CAMK1D: variants seen among roughly 807,000 people sequenced by gnomAD.
The protein encoded by CAMK1D is calcium/calmodulin dependent protein kinase ID.
CAMK1D carries 9 observed loss-of-function variants against 47.7 expected under a neutral mutation model. That is an observed-to-expected ratio of 0.19 (90% CI 0.11 to 0.33). The LOEUF (loss-of-function observed/expected upper bound fraction) is 0.33, where lower values mean the gene tolerates loss of function less well. Among genes scored for constraint, CAMK1D ranks in the 10% least tolerant of loss-of-function variants. The pLI is 1.00. For synonymous variants in CAMK1D, 184 were observed against 184.9 expected (o/e 0.99, Z 0.04); for missense variants, 291 against 488.7 (o/e 0.60, Z 3.81).
rs115113062 is a variant in CAMK1D at position 12,547,632 on chromosome 10, C to T, written c.93-5593C>T. Among the ~76,000 whole-genome samples the T allele has an allele frequency of 2.1e-3, 266 of 127,960 alleles. 1 individual carries two copies. Among genetic ancestry groups the T allele is most frequent in the African/African-American group, 8.9e-3 (243 of 27,284 alleles). The allele number at this position is 127,960 out of a possible 152,430, so 83.9% of individuals were successfully genotyped here. Reference sequence around the variant, plus strand: ...TTCCTTGCTTTAGTGTTTCCTGTCACGAGGACACCCCCCCCCCAACCCTGC... The same window carrying T: ...TTCCTTGCTTTAGTGTTTCCTGTCATGAGGACACCCCCCCCCCAACCCTGC... On this transcript the variant is annotated intron_variant, in intron 1 of 10. Coordinates refer to ENST00000619168, the MANE Select transcript of CAMK1D (RefSeq NM_153498.4).
chr10:12,567,654 A>C (rs1257035797), intron 2 of CAMK1D, among the ~76,000 whole-genome samples: 1 of 152,166 alleles, frequency 6.6e-6, no homozygotes, highest in East Asian at 1.9e-4. Flanking sequence ...TAATGCAGCT[A>C]TTTACTTTAA....
At chr10:12,618,500 A>G (rs181405496) in intron 2 of CAMK1D, among the ~76,000 whole-genome samples, 57 of 152,336 alleles carry the variant, frequency 3.7e-4, no homozygotes, top group African/African-American at 1.3e-3. Context: ...AAAGAGTATC[A>G]TGGATGAAAA....
intron 1 of CAMK1D, among the ~76,000 whole-genome samples, chr10:12,497,178 A>G (rs183182207): frequency 2.0e-5 from 3 of 152,250 alleles, no homozygotes. Context: ...TTTCGTTAAC[A>G]GCATTTAAAA....
intron 1 of CAMK1D, among the ~76,000 whole-genome samples, chr10:12,405,171 G>A (rs1299310215): frequency 6.6e-6 from 1 of 152,132 alleles, no homozygotes; most frequent in Non-Finnish European, 1.5e-5. Flanking sequence ...AGTTTCTGTT[G>A]TGTCTTTGGA....
chr10:12,616,557 T>G lies in CAMK1D; in HGVS notation c.225-50179T>G, dbSNP rs371492092. On this transcript the variant is annotated intron_variant, in intron 2 of 10. Transcript: ENST00000619168. ...TTTTGAGACGGAGTCTCGCTCTGTC[T>G]CCCAGGCTGGGGTGCAGTGGTGTGA... 4.4e-3 allele frequency among the ~76,000 whole-genome samples: 666 copies of G among 152,224 alleles called. 9 individuals are homozygous for G. The East Asian group carries it at 0.056, about 13-fold the overall frequency.
chr10:12,383,219 T>A (rs1266671498), intron 1 of CAMK1D, among the ~76,000 whole-genome samples: 1 of 152,202 alleles, frequency 6.6e-6, no homozygotes, highest in Non-Finnish European at 1.5e-5. Context: ...CTCTTTGTTT[T>A]AGGATTTATA....
At chr10:12,500,690 A>T (rs914487036) in intron 1 of CAMK1D, among the ~76,000 whole-genome samples, 2 of 152,236 alleles carry the variant, frequency 1.3e-5, no homozygotes, top group African/African-American at 4.8e-5. Flanking sequence ...TATCCAGCTA[A>T]AGAGGCTTGG....
At chr10:12,582,640 A>C (rs12569507) in intron 2 of CAMK1D, among the ~76,000 whole-genome samples, 8,214 of 152,252 alleles carry the variant, frequency 0.054, 293 homozygotes, top group East Asian at 0.15. Flanking sequence ...GCTATTATAA[A>C]AGGGGTTGAG....
rs890366027 is a variant in CAMK1D at position 12,834,085 on chromosome 10, G to A, written c.*5198G>A. 3 of 152,228 alleles carry A rather than the reference G, an allele frequency of 2.0e-5. No homozygotes were observed. The highest frequency in any genetic ancestry group is 7.2e-5 in the African/African-American group (3 of 41,466). 9.4% of individuals were successfully genotyped at this position (152,228 alleles called of 1,614,324 possible). On this transcript the variant is annotated 3_prime_UTR_variant, in exon 11 of 11. Transcript: ENST00000619168. Reference sequence around the variant, plus strand: ...ATGTGGAGATAGAAAAGCTCAAACAGACTCCTAAAAGGAGGGTTTCTTTCC... The same window carrying A: ...ATGTGGAGATAGAAAAGCTCAAACAAACTCCTAAAAGGAGGGTTTCTTTCC...
intron 2 of CAMK1D, among the ~76,000 whole-genome samples, chr10:12,661,488 AC>A (rs1172067206): frequency 2.6e-5 from 4 of 152,352 alleles, no homozygotes; most frequent in Non-Finnish European, 5.9e-5. Flanking sequence ...AGAAAATAAT[AC>A]CTACTTCATG....
chr10:12,437,339 C>T (rs541330070), intron 1 of CAMK1D, among the ~76,000 whole-genome samples: 1 of 152,248 alleles, frequency 6.6e-6, no homozygotes, highest in East Asian at 1.9e-4. Flanking sequence ...TTACCGGCGT[C>T]TGCTACCACG....
chr10:12,625,128 G>A (rs1305040706), intron 2 of CAMK1D, among the ~76,000 whole-genome samples: 1 of 151,984 alleles, frequency 6.6e-6, no homozygotes, highest in Admixed American at 6.6e-5. Context: ...CCTGAGGTGA[G>A]GAGTTCGAGA....
chr10:12,604,720 G>A (rs905361419), intron 2 of CAMK1D, among the ~76,000 whole-genome samples: 1 of 152,102 alleles, frequency 6.6e-6, no homozygotes, highest in Non-Finnish European at 1.5e-5. Flanking sequence ...ATGTGTCTAA[G>A]GTATATGATT....
chr10:12,369,614 C>T (rs561290101), intron 1 of CAMK1D, among the ~76,000 whole-genome samples: 18 of 152,132 alleles, frequency 1.2e-4, no homozygotes, highest in African/African-American at 2.6e-4. Context: ...TCAAAGAGGA[C>T]GCCGGCTTCT....
chr10:12,382,650 TC>T (rs1348161179), intron 1 of CAMK1D, among the ~76,000 whole-genome samples: 1 of 151,966 alleles, frequency 6.6e-6, no homozygotes, highest in Admixed American at 6.6e-5. Flanking sequence ...CATGGTAAAA[TC>T]CCATCTCTAC....
At chr10:12,633,881 G>A (rs551199554) in intron 2 of CAMK1D, among the ~76,000 whole-genome samples, 1 of 152,276 alleles carries the variant, frequency 6.6e-6, no homozygotes, top group Admixed American at 6.5e-5. Flanking sequence ...TTAAAAGGTA[G>A]GCACAGGCCT....
At chr10:12,619,058 C>T (rs12360308) in intron 2 of CAMK1D, among the ~76,000 whole-genome samples, 33,130 of 152,080 alleles carry the variant, frequency 0.22, 3,976 homozygotes, top group South Asian at 0.33. Flanking sequence ...TTTAAAGAAG[C>T]CATTGAATCT....
At position 12,747,027 on chromosome 10, in the gene CAMK1D, T is replaced by TTTTG. The variant is rs575629301; in HGVS notation, c.300-13907_300-13904dup. Among the ~76,000 whole-genome samples the TTTTG allele has an allele frequency of 5.5e-3, 781 of 141,362 alleles. 11 individuals are homozygous for TTTTG. Among genetic ancestry groups the TTTTG allele is most frequent in the African/African-American group, 0.019 (717 of 37,168 alleles). The allele number at this position is 141,362 out of a possible 152,430, so 92.7% of individuals were successfully genotyped here. On this transcript the variant is annotated intron_variant, in intron 3 of 10. Coordinates refer to ENST00000619168, the MANE Select transcript of CAMK1D (RefSeq NM_153498.4). Reference sequence around the variant, plus strand: ...GTTGTTTTTTTTTTAATTTAATTCTTTTTGTTTGTTTGTTTGTCTTTTGAG... The same window carrying TTTTG: ...GTTGTTTTTTTTTTAATTTAATTCTTTTTGTTTGTTTGTTTGTTTGTCTTTTGAG...
chr10:12,609,587 G>A (rs910891441), intron 2 of CAMK1D, among the ~76,000 whole-genome samples: 1 of 152,100 alleles, frequency 6.6e-6, no homozygotes, highest in Non-Finnish European at 1.5e-5. Context: ...CCTCGCATGC[G>A]CAGTTCACAA....
Sources: allele counts gnomAD v4.1 joint callset (sites outside exome capture counted in the v4.1 genomes callset), GRCh38; gene constraint gnomAD v4.1.1; transcripts MANE v1.5; gene names NCBI Gene and HGNC (gene_info 2026-07-23, HGNC 2026-07-21).